Variants in TMEM178B observed in about 807,000 individuals in gnomAD.
The protein encoded by TMEM178B is transmembrane protein 178B.
Under a neutral mutation model 31.0 loss-of-function variants are expected in TMEM178B, and 5 were observed. The observed-to-expected ratio is 0.16, with a 90% confidence interval of 0.08 to 0.34. TMEM178B has a LOEUF of 0.34. Ranked by LOEUF, TMEM178B falls within the 10% of genes least tolerant of loss-of-function variation. TMEM178B has a pLI of 1.00. For synonymous variants in TMEM178B, 164 were observed against 164.0 expected, an observed-to-expected ratio of 1.00 and a Z score of 0.00; for missense variants, 275 against 400.3, an observed-to-expected ratio of 0.69 and a Z score of 2.67.
At chr7:141,299,670 G>C (rs1798691482) in intron 2 of TMEM178B, among the ~76,000 whole-genome samples, 4 of 152,206 alleles carry the variant, frequency 2.6e-5, no homozygotes, top group Admixed American at 2.6e-4. Flanking sequence ...ACTGGGGGTA[G>C]AGGAGAGGAA....
chr7:141,353,231 C>T lies in TMEM178B; in HGVS notation c.497-84377C>T, dbSNP rs561629341. On this transcript the variant is annotated intron_variant, in intron 2 of 3. Transcript: ENST00000565468. ...GCATTCCAACTGGAATGTCCTCTGA[C>T]ATGCAAACTTAGCCATGCAACATGC... is the stretch of plus-strand genomic sequence containing the variant. Among the ~76,000 whole-genome samples, 180 of 152,196 alleles carry T rather than the reference C, an allele frequency of 1.2e-3. 1 individual carries two copies. Among genetic ancestry groups the T allele is most frequent in the Non-Finnish European group, 2.4e-3 (160 of 68,032 alleles).
chr7:141,220,570 A>G (rs1466156839), intron 2 of TMEM178B, among the ~76,000 whole-genome samples: 1 of 152,138 alleles, frequency 6.6e-6, no homozygotes, highest in Non-Finnish European at 1.5e-5. Flanking sequence ...AGTACAGTAC[A>G]GCCTTTTCTG....
intron 2 of TMEM178B, among the ~76,000 whole-genome samples, chr7:141,407,849 T>C (rs918776174): frequency 5.9e-5 from 9 of 152,366 alleles, no homozygotes; most frequent in African/African-American, 2.2e-4. Context: ...GCTGGAACAC[T>C]TTGGTACTTG....
intron 2 of TMEM178B, among the ~76,000 whole-genome samples, chr7:141,364,867 T>G (rs961833809): frequency 1.3e-4 from 19 of 151,888 alleles, no homozygotes; most frequent in African/African-American, 4.1e-4. Flanking sequence ...TGCTGCTGCT[T>G]CTCAGCTTTG....
chr7:141,230,878 G>T (rs544632568), intron 2 of TMEM178B, among the ~76,000 whole-genome samples: 65 of 152,274 alleles, frequency 4.3e-4, no homozygotes, highest in Non-Finnish European at 7.9e-4. Context: ...GCTGAACCTT[G>T]AAGGCAGGTC....
rs1586753848 is a variant in TMEM178B, at chr7:141,074,708, A to T, written c.382+16A>T. On this transcript the variant is annotated intron_variant, in intron 1 of 3. Transcript: ENST00000565468. The surrounding 1 kb of genome is among the most constrained non-coding windows in gnomAD (Gnocchi z 5.1). ...ATTCGGAAAGGTAAGCGCCGGGCGC[A>T]AGGCGTGGCGCTGCGGAGAGCCCGG... 6.8e-7 allele frequency: 1 copy of T among 1,469,494 alleles called. No individual in the cohort carries two copies. Among genetic ancestry groups the T allele is most frequent in the South Asian group, 1.4e-5 (1 of 73,968 alleles). 91.0% of individuals were successfully genotyped at this position (1,469,494 alleles called of 1,614,324 possible).
chr7:141,304,596 A>G (rs1479194390), intron 2 of TMEM178B, among the ~76,000 whole-genome samples: 1 of 152,072 alleles, frequency 6.6e-6, no homozygotes, highest in Non-Finnish European at 1.5e-5. Context: ...TCAGTTCTAC[A>G]TCACCAGCCC....
At chr7:141,259,375 T>G (rs1797979029) in intron 2 of TMEM178B, among the ~76,000 whole-genome samples, 1 of 152,236 alleles carries the variant, frequency 6.6e-6, no homozygotes, top group African/African-American at 2.4e-5. Context: ...TTCCTTTAAT[T>G]CTTTGAGCAT....
chr7:141,189,344 C>T (rs909633143), intron 1 of TMEM178B, among the ~76,000 whole-genome samples: 1 of 152,224 alleles, frequency 6.6e-6, no homozygotes, highest in African/African-American at 2.4e-5. Flanking sequence ...CCAGGGCACT[C>T]TGGTGTCAGG....
intron 2 of TMEM178B, among the ~76,000 whole-genome samples, chr7:141,307,430 C>T (rs1465099968): frequency 5.9e-5 from 9 of 152,196 alleles, no homozygotes; most frequent in African/African-American, 1.2e-4. Context: ...ATCCTGGCAG[C>T]GGCTGCCACT....
At chr7:141,103,975 T>A (rs1232617107) in intron 1 of TMEM178B, among the ~76,000 whole-genome samples, 2 of 152,172 alleles carry the variant, frequency 1.3e-5, no homozygotes, top group Non-Finnish European at 2.9e-5. Context: ...TCCCTTGGGG[T>A]CACTGGGTAT....
At chr7:141,116,743 A>T (rs1029414912) in intron 1 of TMEM178B, among the ~76,000 whole-genome samples, 41 of 151,828 alleles carry the variant, frequency 2.7e-4, no homozygotes, top group Non-Finnish European at 5.6e-4. Context: ...TTCAACTCCT[A>T]CTTACGAGTG....
In TMEM178B at chr7:141,405,761, C is replaced by A. The variant is rs184705591; in HGVS notation, c.497-31847C>A. Among the ~76,000 whole-genome samples, 348 of 152,264 alleles carry A rather than the reference C, an allele frequency of 2.3e-3. 1 individual carries two copies. Among genetic ancestry groups the A allele is most frequent in the African/African-American group, 6.1e-3 (254 of 41,558 alleles). ...TCTACAAAAAAGGAGGAGGCAGGGG[C>A]CTTGAAAATGTCAGTGGGGCTCCCC... On this transcript the variant is annotated intron_variant, in intron 2 of 3. Transcript: ENST00000565468.
chr7:141,509,101 C>A, the TMEM178B span, among the ~76,000 whole-genome samples: 1 of 152,196 alleles, frequency 6.6e-6, no homozygotes, highest in African/African-American at 2.4e-5. Context: ...TATTAAACAT[C>A]CTATTACATG....
chr7:141,192,630 A>C (rs1395762700), intron 1 of TMEM178B, among the ~76,000 whole-genome samples: 1 of 151,896 alleles, frequency 6.6e-6, no homozygotes, highest in East Asian at 1.9e-4. Context: ...ACACCCGACT[A>C]ATTTTTTGTA....
At chr7:141,222,472 C>T (rs1797272106) in intron 2 of TMEM178B, among the ~76,000 whole-genome samples, 1 of 152,168 alleles carries the variant, frequency 6.6e-6, no homozygotes. Flanking sequence ...GATGGTAATA[C>T]CTGCCTTGAG....
chr7:141,288,555 C>A, intron 2 of TMEM178B, among the ~76,000 whole-genome samples: 1 of 152,018 alleles, frequency 6.6e-6, no homozygotes. Context: ...TTGTGTTATC[C>A]CCTCTGGCAT....
intron 2 of TMEM178B, among the ~76,000 whole-genome samples, chr7:141,214,343 T>C (rs1361142816): frequency 6.6e-6 from 1 of 152,204 alleles, no homozygotes; most frequent in Non-Finnish European, 1.5e-5. Context: ...AGTTGCTGTG[T>C]TTCTTTTTGT....
intron 1 of TMEM178B, among the ~76,000 whole-genome samples, chr7:141,204,076 G>T (rs1265766651): frequency 2.0e-5 from 3 of 152,218 alleles, no homozygotes; most frequent in African/African-American, 7.2e-5. Flanking sequence ...TTTCAAGCAT[G>T]TAAACCTGTC....
Sources: gnomAD v4.1 joint callset for allele counts (sites outside exome capture counted in the v4.1 genomes callset) on GRCh38, gnomAD v4.1.1 for gene constraint, Gnocchi (gnomAD v3.1) non-coding constraint, MANE v1.5 for transcripts, NCBI Gene and HGNC (gene_info 2026-07-23, HGNC 2026-07-21) for gene names.